PLA2G10: variants seen among roughly 807,000 people sequenced by gnomAD.
The protein encoded by PLA2G10 is group 10 secretory phospholipase A2.
Under a neutral mutation model 7.9 loss-of-function variants are expected in PLA2G10, and 9 were observed. The observed-to-expected ratio is 1.14, with a 90% CI of 0.68 to 1.98. The LOEUF is 1.98. PLA2G10 is among the 30% of genes most tolerant of loss of function. The probability of loss-of-function intolerance (pLI) is 0.00; values close to 1 mark genes in which losing one functional copy is unlikely to be tolerated. For synonymous variants in PLA2G10, 19 were observed against 27.5 expected (o/e 0.69, Z 0.97); for missense variants, 53 against 65.4 (o/e 0.81, Z 0.66).
At chr16:14,687,373 G>A (rs1388462462) in intron 3 of PLA2G10, among the ~76,000 whole-genome samples, 1 of 146,020 alleles carries the variant, frequency 6.8e-6, no homozygotes, top group Non-Finnish European at 1.5e-5. Context: ...CTGTTACACA[G>A]GCTGGAGTGC....
At chr16:14,678,980 C>T (rs1437601404) in intron 3 of PLA2G10, among the ~76,000 whole-genome samples, 2 of 151,976 alleles carry the variant, frequency 1.3e-5, no homozygotes, top group Non-Finnish European at 2.9e-5. Flanking sequence ...TTGTGCGTAC[C>T]CCAGGGCCCT....
At chr16:14,681,613 T>A (rs1240804721) in intron 3 of PLA2G10, among the ~76,000 whole-genome samples, 4 of 151,808 alleles carry the variant, frequency 2.6e-5, no homozygotes, top group Non-Finnish European at 5.9e-5. Flanking sequence ...TAGGTTTAAA[T>A]TTTTTTTAAT....
intron 3 of PLA2G10, among the ~76,000 whole-genome samples, chr16:14,687,935 G>C (rs1961140348): frequency 6.6e-6 from 1 of 151,736 alleles, no homozygotes; most frequent in Admixed American, 6.6e-5. Context: ...GGAGGCAGAG[G>C]TTGTAGTGAG....
Position 14,680,536 on chromosome 16 carries a change from A to AT in PLA2G10, c.355+7628dup, listed in dbSNP as rs1960861690. 2.0e-5 allele frequency among the ~76,000 whole-genome samples: 3 copies of AT among 152,160 alleles called. No individual in the cohort carries two copies. The South Asian group carries it at 6.2e-4, about 32-fold the overall frequency. On this transcript the variant is annotated intron_variant, in intron 3 of 3. Transcript: ENST00000438167. ...CTCCCGAGTAGCTGGAACTACAGGC[A>AT]TGCGCTACTATGCCAGGGTCTCGCT...
At chr16:14,678,701 C>A in intron 3 of PLA2G10, 2 of 389,586 alleles carry the variant, frequency 5.1e-6, no homozygotes, top group Non-Finnish European at 5.1e-6. Context: ...GCCCAAAAGG[C>A]AGAGGTTGAA....
chr16:14,681,240 A>C (rs764968233), intron 3 of PLA2G10, among the ~76,000 whole-genome samples: 2 of 151,904 alleles, frequency 1.3e-5, no homozygotes, highest in Non-Finnish European at 2.9e-5. Context: ...GGGAAAAGAA[A>C]AGCAAAGCCA....
chr16:14,686,211 C>A (rs1400887947), intron 3 of PLA2G10, among the ~76,000 whole-genome samples: 1 of 150,164 alleles, frequency 6.7e-6, no homozygotes, highest in Admixed American at 6.7e-5. Context: ...CCAGGCTGGT[C>A]TTGAATTCCT....
chr16:14,682,666 T>A (rs1693323788), intron 3 of PLA2G10, among the ~76,000 whole-genome samples: 1 of 151,966 alleles, frequency 6.6e-6, no homozygotes, highest in South Asian at 2.1e-4. Context: ...GAACCTGGAG[T>A]TTTAATCAAG....
intron 3 of PLA2G10, among the ~76,000 whole-genome samples, chr16:14,687,651 A>T (rs1199346069): frequency 6.6e-6 from 1 of 151,978 alleles, no homozygotes; most frequent in Non-Finnish European, 1.5e-5. Context: ...CCAGACATCA[A>T]ATAATTAGGT....
At chr16:14,673,102 C>G (rs1345532665) in intron 3 of PLA2G10, among the ~76,000 whole-genome samples, 1 of 150,566 alleles carries the variant, frequency 6.6e-6, no homozygotes, top group Non-Finnish European at 1.5e-5. Flanking sequence ...TCACTGCAGC[C>G]TCCGCCTCCC....
intron 3 of PLA2G10, among the ~76,000 whole-genome samples, chr16:14,681,415 G>A (rs1960889134): frequency 6.6e-6 from 1 of 151,840 alleles, no homozygotes; most frequent in African/African-American, 2.4e-5. Context: ...ACCCAACAAC[G>A]CCTCTGCTTG....
At chr16:14,681,107 T>G (rs1960878323) in intron 3 of PLA2G10, among the ~76,000 whole-genome samples, 1 of 149,860 alleles carries the variant, frequency 6.7e-6, no homozygotes, top group Admixed American at 6.7e-5. Context: ...GAGGTTGCAG[T>G]GAGCTGAGAT....
At chr16:14,684,285 C>T (rs540610696) in intron 3 of PLA2G10, among the ~76,000 whole-genome samples, 3 of 138,226 alleles carry the variant, frequency 2.2e-5, no homozygotes, top group Non-Finnish European at 4.5e-5. Context: ...TGAAGTGAGC[C>T]GAGATCACGC....
intron 3 of PLA2G10, among the ~76,000 whole-genome samples, chr16:14,687,653 T>C (rs142442203): frequency 2.0e-5 from 3 of 152,028 alleles, no homozygotes; most frequent in South Asian, 2.1e-4. Flanking sequence ...AGACATCAAA[T>C]AATTAGGTTT....
intron 3 of PLA2G10, chr16:14,678,797 C>T: frequency 2.8e-6 from 1 of 357,596 alleles, no homozygotes; most frequent in Non-Finnish European, 5.6e-6. Context: ...CAGGTCATGT[C>T]CCTCCCCTGC....
chr16:14,678,718 C>T (rs1262209222), intron 3 of PLA2G10: 9 of 394,842 alleles, frequency 2.3e-5, no homozygotes, highest in East Asian at 8.7e-5. Context: ...TGAAGTGAGC[C>T]GAGATCACAC....
chr16:14,682,342 G>C (rs970319973), intron 3 of PLA2G10, among the ~76,000 whole-genome samples: 2 of 152,138 alleles, frequency 1.3e-5, no homozygotes, highest in African/African-American at 4.8e-5. Context: ...CAAAACTTTG[G>C]GAGGCCGAGG....
chr16:14,682,551 G>A (rs906110738), intron 3 of PLA2G10, among the ~76,000 whole-genome samples: 2 of 152,106 alleles, frequency 1.3e-5, no homozygotes, highest in African/African-American at 4.8e-5. Flanking sequence ...ACTCCTGCCT[G>A]GGCTACAGAG....
chr16:14,683,418 T>C (rs1008715740), intron 3 of PLA2G10, among the ~76,000 whole-genome samples: 1 of 151,682 alleles, frequency 6.6e-6, no homozygotes, highest in African/African-American at 2.4e-5. Context: ...TGTATCTTAG[T>C]AGAGATGGGG....
Sources: allele counts gnomAD v4.1 joint callset (sites outside exome capture counted in the v4.1 genomes callset), GRCh38; gene constraint gnomAD v4.1.1; transcripts MANE v1.5; gene names NCBI Gene and HGNC (gene_info 2026-07-23, HGNC 2026-07-21).